The following ZSCAN22 variants were observed in gnomAD, a reference collection of about 807,000 sequenced individuals.
ZSCAN22 encodes zinc finger and SCAN domain containing 22, also known as zinc finger and SCAN domain-containing protein 22.
Under a neutral mutation model 12.4 loss-of-function variants are expected in ZSCAN22, and 7 were observed. That is an observed-to-expected ratio of 0.57 (90% CI 0.32 to 1.06). The LOEUF is 1.06. Ranked by LOEUF, ZSCAN22 falls within the 50% of genes least tolerant of loss-of-function variation. ZSCAN22 has a pLI of 0.04. For missense variants in ZSCAN22, 576 were observed against 631.7 expected (o/e 0.91, Z 0.94); for synonymous variants, 243 against 255.9 (o/e 0.95, Z 0.48).
At chr19:58,332,670 C>G (rs988307297) in intron 1 of ZSCAN22, among the ~76,000 whole-genome samples, 1 of 152,114 alleles carries the variant, frequency 6.6e-6, no homozygotes, top group Non-Finnish European at 1.5e-5. Context: ...GAATAGTGTT[C>G]CATTATAGGT....
chr19:58,330,883 C>T (rs181966144), intron 1 of ZSCAN22, among the ~76,000 whole-genome samples: 13 of 152,340 alleles, frequency 8.5e-5, no homozygotes, highest in Admixed American at 5.2e-4. Flanking sequence ...ATGCCTTCCC[C>T]GTATTTGCAT....
In ZSCAN22 at chr19:58,341,319, C is replaced by T. The variant is rs921556545; in HGVS notation, c.*1993C>T. The T allele has an allele frequency of 1.3e-5, 2 of 152,194 alleles. No individual in the cohort carries two copies. Among genetic ancestry groups the T allele is most frequent in the African/African-American group, 4.8e-5 (2 of 41,430 alleles). The allele number at this position is 152,194 out of a possible 1,614,324, so 9.4% of individuals were successfully genotyped here. A position where few individuals can be genotyped will look rare whatever the true frequency, so the allele number is the denominator to read the frequency against. ...CTGTCCATGTGTTCTCTGGTCTTCT[C>T]TCACAATGCTGCATCCCTGTCCCAT... On this transcript the variant is annotated 3_prime_UTR_variant, in exon 3 of 3. Transcript: ENST00000329665.
At chr19:58,334,608 G>A in intron 1 of ZSCAN22, 144 bp from the exon 2 acceptor site, 1 of 622,690 alleles carries the variant, frequency 1.6e-6, no homozygotes, top group East Asian at 2.8e-5. Flanking sequence ...CACCAAGTGG[G>A]TGCTGTCCTA....
In ZSCAN22 at chr19:58,339,175, C is replaced by T. The variant is rs769405542; in HGVS notation, c.1325C>T (p.Pro442Leu). Reference protein sequence around the residue: ...GEKPYQCKVCPKAFAQSSSLI... With the variant: ...GEKPYQCKVCLKAFAQSSSLI... ...AAGCCATATCAGTGTAAGGTTTGTC[C>T]GAAGGCCTTTGCACAGAGCTCCTCC... is the stretch of plus-strand genomic sequence containing the variant. The change falls in exon 3 of 3, where the codon CCG (proline) becomes CTG (leucine). Residue 442 changes from proline to leucine, a missense_variant. Coordinates refer to ENST00000329665, the MANE Select transcript of ZSCAN22 (RefSeq NM_181846.3). The surrounding 1 kb of genome is among the most constrained non-coding windows in gnomAD (Gnocchi z 5.6). 1.9e-5 allele frequency: 31 copies of T among 1,613,954 alleles called. No homozygotes were observed. Among genetic ancestry groups the T allele is most frequent in the East Asian group, 2.2e-5 (1 of 44,864 alleles).
In ZSCAN22 at chr19:58,339,021, C is replaced by T. The variant is rs1443216309; in HGVS notation, c.1171C>T (p.Gln391Ter). 7 of 1,613,802 alleles carry T rather than the reference C, an allele frequency of 4.3e-6. No individual in the cohort carries two copies. The highest frequency in any genetic ancestry group is 5.9e-6 in the Non-Finnish European group (7 of 1,179,740). Residue 391 changes from glutamine (Q) to a stop codon, truncating the protein, a stop_gained, in exon 3 of 3, where the codon CAG (glutamine) becomes TAG (stop). Transcript: ENST00000329665. LOFTEE classifies it low-confidence loss of function (END_TRUNC). This position sits in a 1 kb window ranked among gnomAD's most constrained non-coding sequence, Gnocchi z 5.6. ...TGACGCGTGTGGGAAAGCCTTCAGC[C>T]AGAGCACGCACCTGACTCAACACCA... ...ECDACGKAFS[Q>*]STHLTQHQRI...
In ZSCAN22 at chr19:58,339,427, T is replaced by A; in HGVS notation, c.*101T>A. On this transcript the variant is annotated 3_prime_UTR_variant, in exon 3 of 3. Transcript: ENST00000329665. The surrounding 1 kb of genome is among the most constrained non-coding windows in gnomAD (Gnocchi z 5.6). ...AAGAGCCACAGACAGGGTGGGTGATTGATGAGTTGTCAAAATGATAGGTGC... is the reference window on the plus strand; with the variant it reads ...AAGAGCCACAGACAGGGTGGGTGATAGATGAGTTGTCAAAATGATAGGTGC... 8.9e-7 allele frequency: 1 copy of A among 1,128,882 alleles called. No individual in the cohort carries two copies. The highest frequency in any genetic ancestry group is 1.2e-6 in the Non-Finnish European group (1 of 811,378). The allele number at this position is 1,128,882 out of a possible 1,614,324, so 69.9% of individuals were successfully genotyped here. A position where few individuals can be genotyped will look rare whatever the true frequency, so the allele number is the denominator to read the frequency against.
At chr19:58,330,563 G>A (rs987654505) in intron 1 of ZSCAN22, among the ~76,000 whole-genome samples, 7 of 152,214 alleles carry the variant, frequency 4.6e-5, no homozygotes, top group African/African-American at 1.7e-4. Context: ...CTTTGAGTGT[G>A]GAGGAAAGAT....
In ZSCAN22 at chr19:58,338,819, C is replaced by T. The variant is rs751497329; in HGVS notation, c.969C>T (p.Pro323=). The change falls in exon 3 of 3, where the codon CCC becomes CCT. Residue 323 remains proline (P), a synonymous_variant. Coordinates refer to ENST00000329665, the MANE Select transcript of ZSCAN22 (RefSeq NM_181846.3). The surrounding 1 kb of genome is among the most constrained non-coding windows in gnomAD (Gnocchi z 5.4). ...AGGTTGTCCACACAGGGGCGAAGCC[C>T]CATGAGTGTAAGGAATGTGGGAAGG... ...QHQVVHTGAK[P]HECKECGKAF... 1.9e-6 allele frequency: 3 copies of T among 1,614,010 alleles called. No individual in the cohort carries two copies. Among genetic ancestry groups the T allele is most frequent in the African/African-American group, 1.3e-5 (1 of 75,046 alleles).
At position 58,335,501 on chromosome 19, in the gene ZSCAN22, T is replaced by C. The variant is rs2051786436; in HGVS notation, c.403+296T>C. 6.6e-6 allele frequency among the ~76,000 whole-genome samples: 1 copy of C among 152,120 alleles called. No homozygotes were observed. Among genetic ancestry groups the C allele is most frequent in the South Asian group, 2.1e-4 (1 of 4,826 alleles). On this transcript the variant is annotated intron_variant, in intron 2 of 2. Coordinates refer to ENST00000329665, the MANE Select transcript of ZSCAN22 (RefSeq NM_181846.3). This position sits in a 1 kb window ranked among gnomAD's most constrained non-coding sequence, Gnocchi z 4.1. ...CTCTCTTGTTCTGTTTCTCAGTTGG[T>C]TTTTTCTGTGTTAGCTTCATTCTTA...
At chr19:58,332,369 G>A (rs2051737898) in intron 1 of ZSCAN22, among the ~76,000 whole-genome samples, 2 of 137,272 alleles carry the variant, frequency 1.5e-5, no homozygotes, top group African/African-American at 5.6e-5. Context: ...TGCCTCCCAA[G>A]TTCAAGAGAT....
At chr19:58,334,400 T>C (rs755571594) in intron 1 of ZSCAN22, among the ~76,000 whole-genome samples, 3 of 152,182 alleles carry the variant, frequency 2.0e-5, no homozygotes, top group Admixed American at 6.5e-5. Context: ...CACTGCAAGC[T>C]CCGCCTCCCG....
In ZSCAN22 at chr19:58,335,573, G is replaced by C. The variant is rs1319404915; in HGVS notation, c.403+368G>C. Among the ~76,000 whole-genome samples the C allele has an allele frequency of 6.6e-6, 1 of 152,172 alleles. No homozygotes were observed. The highest frequency in any genetic ancestry group is 1.5e-5 in the Non-Finnish European group (1 of 68,030). ...GGGTTAAAGATAGCCAGGAACCCCAGGCTTATGTCTTACCAATGTAGAAAC... is the reference window on the plus strand; with the variant it reads ...GGGTTAAAGATAGCCAGGAACCCCACGCTTATGTCTTACCAATGTAGAAAC... On this transcript the variant is annotated intron_variant, in intron 2 of 2. Transcript: ENST00000329665. The surrounding 1 kb of genome is among the most constrained non-coding windows in gnomAD (Gnocchi z 4.1).
rs2051881497 is a variant in ZSCAN22, at chr19:58,341,971, G to A, written c.*2645G>A. 6.6e-6 allele frequency: 1 copy of A among 152,208 alleles called. No individual in the cohort carries two copies. The highest frequency in any genetic ancestry group is 6.6e-5 in the Admixed American group (1 of 15,266). 9.4% of individuals were successfully genotyped at this position (152,208 alleles called of 1,614,324 possible). On this transcript the variant is annotated 3_prime_UTR_variant, in exon 3 of 3. Coordinates refer to ENST00000329665, the MANE Select transcript of ZSCAN22 (RefSeq NM_181846.3). ...TGTCTCTGACTCACAGCAATCATCA[G>A]CACCTCTCTTTGCCTCCTACTTGCT...
At chr19:58,337,362 C>A (rs1465740630) in intron 2 of ZSCAN22, among the ~76,000 whole-genome samples, 1 of 151,642 alleles carries the variant, frequency 6.6e-6, no homozygotes, top group African/African-American at 2.4e-5. Context: ...CACATCCAGG[C>A]CTAGACGCAA....
At position 58,338,745 on chromosome 19, in the gene ZSCAN22, A is replaced by C; in HGVS notation, c.895A>C (p.Ser299Arg). ...THSRKTPYAC[S>R]ECGKAFSRST... ...TTCTCGGAAGACCCCATATGCCTGCAGCGAGTGTGGGAAAGCCTTCAGCCG... is the reference window on the plus strand; with the variant it reads ...TTCTCGGAAGACCCCATATGCCTGCCGCGAGTGTGGGAAAGCCTTCAGCCG... The change falls in exon 3 of 3, where the codon AGC becomes CGC. Residue 299 changes from serine to arginine, a missense_variant. Ser to Arg is a moderately radical substitution (Grantham distance 110). Transcript: ENST00000329665. This position sits in a 1 kb window ranked among gnomAD's most constrained non-coding sequence, Gnocchi z 5.4. 1 of 1,614,238 alleles carries C rather than the reference A, an allele frequency of 6.2e-7. No homozygotes were observed. The highest frequency in any genetic ancestry group is 8.5e-7 in the Non-Finnish European group (1 of 1,180,034).
chr19:58,333,711 G>C (rs921043619), intron 1 of ZSCAN22, among the ~76,000 whole-genome samples: 6 of 152,218 alleles, frequency 3.9e-5, no homozygotes, highest in African/African-American at 1.4e-4. Context: ...TCACATGGTG[G>C]TGCACACCTG....
rs2051824857 is a variant in ZSCAN22, at chr19:58,338,477, G to T, written c.627G>T (p.Gly209=). The T allele has an allele frequency of 6.2e-7, 1 of 1,614,182 alleles. No individual in the cohort carries two copies. Residue 209 remains glycine (G), a synonymous_variant, in exon 3 of 3, where the codon GGG becomes GGT. Coordinates refer to ENST00000329665, the MANE Select transcript of ZSCAN22 (RefSeq NM_181846.3). The surrounding 1 kb of genome is among the most constrained non-coding windows in gnomAD (Gnocchi z 5.4). ...AGATCCACTTCAAGAAAACTTCAGG[G>T]CCTTACAAGGATGTCCCCACAGACC... ...TQQIHFKKTS[G]PYKDVPTDQR...
chr19:58,327,560 TTA>T (rs1351806987), intron 1 of ZSCAN22, among the ~76,000 whole-genome samples: 1 of 152,074 alleles, frequency 6.6e-6, no homozygotes. Flanking sequence ...GCGGACCCGT[TTA>T]TGTGTCTGAT....
At chr19:58,328,097 T>G (rs1460505100) in intron 1 of ZSCAN22, among the ~76,000 whole-genome samples, 1 of 152,216 alleles carries the variant, frequency 6.6e-6, no homozygotes, top group African/African-American at 2.4e-5. Context: ...GTGATCCACC[T>G]GCCTAGGCCT....
Sources: allele counts gnomAD v4.1 joint callset (sites outside exome capture counted in the v4.1 genomes callset), GRCh38; gene constraint gnomAD v4.1.1; non-coding constraint Gnocchi (gnomAD v3.1); transcripts MANE v1.5; gene names NCBI Gene and HGNC (gene_info 2026-07-23, HGNC 2026-07-21).